CNTN5: variants seen among roughly 807,000 people sequenced by gnomAD.
The protein encoded by CNTN5 is contactin-5.
CNTN5 carries 77 observed loss-of-function variants against 129.1 expected under a neutral mutation model. The ratio of observed to expected loss-of-function variants is 0.60; its 90% CI spans 0.50 to 0.72. The LOEUF is 0.72. CNTN5 is among the 30% of genes least tolerant of loss of function. CNTN5 has a pLI of 0.00. For synonymous variants in CNTN5, 509 were observed against 465.6 expected, an observed-to-expected ratio of 1.09 and a Z score of -1.20; for missense variants, 1,478 against 1,328.8, an observed-to-expected ratio of 1.11 and a Z score of -1.75.
At chr11:99,737,142 CAA>C (rs1943736999) in intron 3 of CNTN5, among the ~76,000 whole-genome samples, 1 of 144,402 alleles carries the variant, frequency 6.9e-6, no homozygotes, top group African/African-American at 2.9e-5. Flanking sequence ...CACACACACA[CAA>C]ACACACACAC....
intron 3 of CNTN5, among the ~76,000 whole-genome samples, chr11:99,569,436 C>G (rs1355288443): frequency 6.6e-6 from 1 of 152,162 alleles, no homozygotes; most frequent in African/African-American, 2.4e-5. Context: ...GCGTCAGCCT[C>G]CCGAGTAGCT....
At chr11:99,888,296 A>G (rs1193134184) in intron 6 of CNTN5, among the ~76,000 whole-genome samples, 1 of 152,212 alleles carries the variant, frequency 6.6e-6, no homozygotes, top group Non-Finnish European at 1.5e-5. Flanking sequence ...CCTCACTTTT[A>G]CAAAATTCAA....
At chr11:100,208,224 A>G (rs1948954690) in intron 15 of CNTN5, among the ~76,000 whole-genome samples, 1 of 152,170 alleles carries the variant, frequency 6.6e-6, no homozygotes, top group Non-Finnish European at 1.5e-5. Flanking sequence ...GCAAAAACCT[A>G]GTGGCTTCAA....
chr11:99,292,165 G>A (rs976045740), intron 1 of CNTN5, among the ~76,000 whole-genome samples: 1 of 151,300 alleles, frequency 6.6e-6, no homozygotes, highest in Non-Finnish European at 1.5e-5. Flanking sequence ...AAAGAATAAT[G>A]TATATATTGA....
chr11:99,105,230 A>G (rs906978415), intron 1 of CNTN5, among the ~76,000 whole-genome samples: 3 of 152,174 alleles, frequency 2.0e-5, no homozygotes, highest in Admixed American at 2.0e-4. Flanking sequence ...AGATAATTCT[A>G]GTAAGGTAGG....
intron 3 of CNTN5, among the ~76,000 whole-genome samples, chr11:99,693,819 G>A (rs1217217146): frequency 6.6e-6 from 1 of 152,088 alleles, no homozygotes; most frequent in African/African-American, 2.4e-5. Flanking sequence ...AACTCAACAA[G>A]TATTCATTGA....
At chr11:99,752,134 C>G (rs1385104055) in intron 3 of CNTN5, among the ~76,000 whole-genome samples, 1 of 152,056 alleles carries the variant, frequency 6.6e-6, no homozygotes, top group Non-Finnish European at 1.5e-5. Context: ...GAATTAGAAA[C>G]CGTATGTAAT....
chr11:99,691,757 C>T (rs755782996), intron 3 of CNTN5, among the ~76,000 whole-genome samples: 24 of 152,044 alleles, frequency 1.6e-4, no homozygotes, highest in South Asian at 1.2e-3. Flanking sequence ...AGATATCTGT[C>T]GGATCCACTT....
At chr11:99,212,632 C>T (rs1055982686) in intron 1 of CNTN5, among the ~76,000 whole-genome samples, 12 of 151,924 alleles carry the variant, frequency 7.9e-5, no homozygotes, top group African/African-American at 2.9e-4. Flanking sequence ...CACTACCCAC[C>T]CTTTATTGTA....
chr11:99,501,070 G>T (rs778713586), intron 2 of CNTN5, among the ~76,000 whole-genome samples: 1 of 152,132 alleles, frequency 6.6e-6, no homozygotes, highest in Non-Finnish European at 1.5e-5. Flanking sequence ...GTGTGCATCT[G>T]TGTGTGTATG....
chr11:100,066,973 C>G (rs563232107), intron 10 of CNTN5, among the ~76,000 whole-genome samples: 2 of 152,072 alleles, frequency 1.3e-5, no homozygotes, highest in South Asian at 4.1e-4. Context: ...TTATTTCAGG[C>G]CTTAATTCAG....
intron 7 of CNTN5, among the ~76,000 whole-genome samples, chr11:99,929,597 C>T (rs1200408030): frequency 6.6e-6 from 1 of 152,124 alleles, no homozygotes; most frequent in East Asian, 1.9e-4. Flanking sequence ...ATTACAGCAG[C>T]AAGGAAAAGT....
intron 3 of CNTN5, among the ~76,000 whole-genome samples, chr11:99,628,351 C>T (rs2135790579): frequency 6.6e-6 from 1 of 152,092 alleles, no homozygotes; most frequent in East Asian, 1.9e-4. Context: ...TGAAACACCA[C>T]ATCTTTAATG....
intron 1 of CNTN5, among the ~76,000 whole-genome samples, chr11:99,298,347 C>T (rs955029082): frequency 1.3e-5 from 2 of 152,118 alleles, no homozygotes; most frequent in African/African-American, 4.8e-5. Flanking sequence ...AAGTGAGGTA[C>T]AGAAATAGCG....
chr11:99,785,158 G>A (rs1180350069), intron 3 of CNTN5, among the ~76,000 whole-genome samples: 1 of 152,066 alleles, frequency 6.6e-6, no homozygotes. Context: ...AATGACTGGT[G>A]ATGATTAGCT....
chr11:99,516,265 T>C (rs988669858), intron 2 of CNTN5, among the ~76,000 whole-genome samples: 15 of 152,150 alleles, frequency 9.9e-5, no homozygotes, highest in Admixed American at 9.2e-4. Flanking sequence ...CAGTGGTATA[T>C]GTTCTAATCA....
Position 99,290,554 on chromosome 11 carries a change from G to A in CNTN5, c.-209-34792G>A, listed in dbSNP as rs1314595947. On this transcript the variant is annotated intron_variant, in intron 1 of 24. Coordinates refer to ENST00000524871, the MANE Select transcript of CNTN5 (RefSeq NM_014361.4). ...CATTCTACATTTACTACAGAAAGAG[G>A]TATTTACATTATTCCTTTGTTAGAG... is the stretch of plus-strand genomic sequence containing the variant. 4.6e-5 allele frequency among the ~76,000 whole-genome samples: 7 copies of A among 151,908 alleles called. No individual in the cohort carries two copies. The East Asian group carries it at 1.4e-3, about 29-fold the overall frequency.
At chr11:99,763,278 C>T (rs769586424) in intron 3 of CNTN5, among the ~76,000 whole-genome samples, 1 of 152,030 alleles carries the variant, frequency 6.6e-6, no homozygotes, top group Non-Finnish European at 1.5e-5. Flanking sequence ...ACACTGTAGT[C>T]CATCCTTTAC....
intron 3 of CNTN5, among the ~76,000 whole-genome samples, chr11:99,659,030 T>TG (rs1483345096): frequency 6.6e-6 from 1 of 152,096 alleles, no homozygotes; most frequent in Non-Finnish European, 1.5e-5. Context: ...CTCCAACCCC[T>TG]GCCACAGTTG....
Sources: allele counts gnomAD v4.1 joint callset (sites outside exome capture counted in the v4.1 genomes callset), GRCh38; gene constraint gnomAD v4.1.1; transcripts MANE v1.5; gene names NCBI Gene and HGNC (gene_info 2026-07-23, HGNC 2026-07-21).